Variants in POMK observed in about 807,000 individuals in gnomAD.
The protein encoded by POMK is Sugen kinase 196.
Under a neutral mutation model 23.0 loss-of-function variants are expected in POMK, and 19 were observed. The ratio of observed to expected loss-of-function variants is 0.83; its 90% CI spans 0.58 to 1.21. The LOEUF is 1.21. Ranked by LOEUF, POMK falls within the 50% of genes most tolerant of loss-of-function variation. POMK has a pLI of 0.00. For synonymous variants in POMK, 173 were observed against 171.6 expected (o/e 1.01, Z -0.06); for missense variants, 410 against 431.3 (o/e 0.95, Z 0.44).
Position 43,103,577 on chromosome 8 carries a change from G to A in POMK, c.29G>A (p.Arg10Lys), listed in dbSNP as rs563372178. Reference sequence around the variant, plus strand: ...GAAAAGCAGCCCCAGAACAGCAGGAGAGGCCTCGCCCCCCGAGAGGTGCCG... The same window carrying A: ...GAAAAGCAGCCCCAGAACAGCAGGAAAGGCCTCGCCCCCCGAGAGGTGCCG... MEKQPQNSR[R>K]GLAPREVPPA... Residue 10 changes from arginine to lysine, a missense_variant, in exon 4 of 5, where the codon AGA becomes AAA. Transcript: ENST00000331373. 1.2e-6 allele frequency: 2 copies of A among 1,614,200 alleles called. No individual in the cohort carries two copies. The highest frequency in any genetic ancestry group is 2.7e-5 in the African/African-American group (2 of 75,048).
chr8:43,099,358 C>CTGGG (rs1271237465), intron 2 of POMK, among the ~76,000 whole-genome samples: 3 of 152,146 alleles, frequency 2.0e-5, no homozygotes, highest in Admixed American at 6.5e-5. Flanking sequence ...TGAGGAGAGG[C>CTGGG]TGGGAATGGA....
chr8:43,122,473 CT>C lies in POMK; in HGVS notation c.650del (p.Leu217GlnfsTer18). On this transcript the variant is annotated frameshift_variant, in exon 5 of 5. Coordinates refer to ENST00000331373, the MANE Select transcript of POMK (RefSeq NM_032237.5). LOFTEE classifies it high-confidence loss of function. Reference sequence around the variant, plus strand: ...GCCGAAGACACTGTCCCAGTATCTGCTAACAAGCAACTTCAGCATTTTGGCA... The same window carrying C: ...GCCGAAGACACTGTCCCAGTATCTGCAACAAGCAACTTCAGCATTTTGGCA... ...DLPKTLSQYL[L>X]TSNFSILAND... 6.2e-6 allele frequency: 10 copies of C among 1,614,186 alleles called. No individual in the cohort carries two copies. The highest frequency in any genetic ancestry group is 8.5e-6 in the Non-Finnish European group (10 of 1,180,022).
chr8:43,107,369 G>A (rs187707834), intron 4 of POMK, among the ~76,000 whole-genome samples: 9 of 152,190 alleles, frequency 5.9e-5, no homozygotes, highest in African/African-American at 2.4e-5. Context: ...TGCATAAAGC[G>A]CATCAGTAAT....
At chr8:43,103,090 T>G (rs1191937448) in intron 3 of POMK, among the ~76,000 whole-genome samples, 2 of 152,210 alleles carry the variant, frequency 1.3e-5, no homozygotes, top group African/African-American at 4.8e-5. Flanking sequence ...GGACAGCTGC[T>G]TAGCTGAGTT....
At chr8:43,113,583 AT>A (rs1427039794) in intron 4 of POMK, among the ~76,000 whole-genome samples, 2 of 152,144 alleles carry the variant, frequency 1.3e-5, no homozygotes, top group Non-Finnish European at 2.9e-5. Flanking sequence ...GCGTAGTTTG[AT>A]TGTCTGAAGC....
At chr8:43,111,666 C>T (rs998441818) in intron 4 of POMK, among the ~76,000 whole-genome samples, 2 of 152,154 alleles carry the variant, frequency 1.3e-5, no homozygotes, top group Admixed American at 6.5e-5. Flanking sequence ...CTGGGAGGCA[C>T]CCCCCAGTAG....
intron 4 of POMK, among the ~76,000 whole-genome samples, chr8:43,116,163 C>G (rs1313866803): frequency 6.6e-6 from 1 of 152,204 alleles, no homozygotes; most frequent in Non-Finnish European, 1.5e-5. Context: ...GCCTACTGCA[C>G]TAGTATGTAA....
chr8:43,103,063 G>A (rs1261446172), intron 3 of POMK, among the ~76,000 whole-genome samples: 4 of 152,276 alleles, frequency 2.6e-5, no homozygotes, highest in Middle Eastern at 3.4e-3. Flanking sequence ...GGGATTCTGA[G>A]TACCTCCCAG....
rs1025582158 is a variant in POMK, at chr8:43,102,559, C to T, written c.-63C>T. Reference sequence around the variant, plus strand: ...ACTAGAGTATGGACTGACCAGGTACCTGGATGGAGACCTGAGCTGGAGAAG... The same window carrying T: ...ACTAGAGTATGGACTGACCAGGTACTTGGATGGAGACCTGAGCTGGAGAAG... On this transcript the variant is annotated 5_prime_UTR_variant, in exon 3 of 5. Transcript: ENST00000331373. 2.0e-5 allele frequency: 3 copies of T among 152,422 alleles called. No homozygotes were observed. Among genetic ancestry groups the T allele is most frequent in the African/African-American group, 7.2e-5 (3 of 41,448 alleles). 9.4% of individuals were successfully genotyped at this position (152,422 alleles called of 1,614,324 possible).
At chr8:43,111,667 C>T in intron 4 of POMK, among the ~76,000 whole-genome samples, 1 of 152,172 alleles carries the variant, frequency 6.6e-6, no homozygotes, top group South Asian at 2.1e-4. Context: ...TGGGAGGCAC[C>T]CCCCAGTAGG....
chr8:43,117,930 A>G (rs1217826709), intron 4 of POMK, among the ~76,000 whole-genome samples: 1 of 152,224 alleles, frequency 6.6e-6, no homozygotes, highest in African/African-American at 2.4e-5. Flanking sequence ...ATGTACATAG[A>G]CATGTAAATA....
chr8:43,122,473 C>A lies in POMK; in HGVS notation c.649C>A (p.Leu217Ile), dbSNP rs776668651. Residue 217 changes from leucine (L) to isoleucine (I), a missense_variant, in exon 5 of 5, where the codon CTA becomes ATA. Transcript: ENST00000331373. The stretch of plus-strand genomic sequence containing the variant: ...GCCGAAGACACTGTCCCAGTATCTG[C>A]TAACAAGCAACTTCAGCATTTTGGC... ...DLPKTLSQYL[L>I]TSNFSILAND... is the part of the protein sequence containing the mutation. 1 of 1,614,186 alleles carries A rather than the reference C, an allele frequency of 6.2e-7. No individual in the cohort carries two copies. The highest frequency in any genetic ancestry group is 1.7e-5 in the Admixed American group (1 of 60,018).
intron 2 of POMK, among the ~76,000 whole-genome samples, chr8:43,097,931 G>A (rs1350096475): frequency 6.6e-6 from 1 of 152,150 alleles, no homozygotes; most frequent in Non-Finnish European, 1.5e-5. Context: ...CTGCAGTGCA[G>A]ACTTAGAAAG....
In POMK at chr8:43,103,805, G is replaced by A. The variant is rs201095843; in HGVS notation, c.257G>A (p.Arg86His). ...AGAACAGAAGTGAGACAGCTGAAGC[G>A]TGTTGGGGAAGGAGCTGTAAAGAGA... ...ELRTEVRQLK[R>H]VGEGAVKRVF... is the part of the protein sequence containing the mutation. The change falls in exon 4 of 5, where the codon CGT (arginine) becomes CAT (histidine). Residue 86 changes from arginine (R) to histidine (H), a missense_variant. Physicochemically the swap from Arg to His is conservative, Grantham distance 29. Transcript: ENST00000331373. 61 of 1,614,112 alleles carry A rather than the reference G, an allele frequency of 3.8e-5. No homozygotes were observed. Among genetic ancestry groups the A allele is most frequent in the African/African-American group, 5.3e-5 (4 of 74,948 alleles).
intron 4 of POMK, among the ~76,000 whole-genome samples, chr8:43,104,627 G>A (rs556232823): frequency 1.4e-4 from 21 of 152,282 alleles, no homozygotes; most frequent in Non-Finnish European, 2.5e-4. Context: ...CTTTTCAACT[G>A]TGAAATTACG....
intron 4 of POMK, among the ~76,000 whole-genome samples, chr8:43,107,715 C>T (rs1811572213): frequency 1.3e-5 from 2 of 150,556 alleles, no homozygotes; most frequent in African/African-American, 2.4e-5. Flanking sequence ...GAGTCTTGCT[C>T]CGTCACCCAG....
intron 4 of POMK, among the ~76,000 whole-genome samples, chr8:43,115,598 G>A (rs1439720733): frequency 1.3e-5 from 2 of 152,072 alleles, no homozygotes; most frequent in African/African-American, 2.4e-5. Context: ...ACCCAGCCCA[G>A]CCCCCCAAAC....
At chr8:43,115,978 A>C (rs764879524) in intron 4 of POMK, among the ~76,000 whole-genome samples, 1 of 152,232 alleles carries the variant, frequency 6.6e-6, no homozygotes, top group Non-Finnish European at 1.5e-5. Flanking sequence ...TAGTTCCACA[A>C]ATAACAAGTG....
chr8:43,116,118 C>A (rs986152890), intron 4 of POMK, among the ~76,000 whole-genome samples: 2 of 152,244 alleles, frequency 1.3e-5, no homozygotes, highest in Admixed American at 6.5e-5. Context: ...TTCCAATATA[C>A]TTTATACATT....
Sources: gnomAD v4.1 joint callset for allele counts (sites outside exome capture counted in the v4.1 genomes callset) on GRCh38, gnomAD v4.1.1 for gene constraint, MANE v1.5 for transcripts, NCBI Gene and HGNC (gene_info 2026-07-23, HGNC 2026-07-21) for gene names.